MECOM: variants seen among roughly 807,000 people sequenced by gnomAD.
MECOM encodes the protein MDS1 and EVI1 complex locus, also known as histone-lysine N-methyltransferase MECOM.
Under a neutral mutation model 116.3 loss-of-function variants are expected in MECOM, and 13 were observed. The observed-to-expected ratio is 0.11, with a 90% CI of 0.07 to 0.18. The LOEUF (loss-of-function observed/expected upper bound fraction) is 0.18. MECOM is among the 10% of genes least tolerant of loss of function. MECOM has a pLI of 1.00. For synonymous variants in MECOM, 528 were observed against 535.2 expected (o/e 0.99, Z 0.19); for missense variants, 1,299 against 1,509.0 (o/e 0.86, Z 2.31).
At chr3:169,614,275 G>A (rs1769700087) in intron 1 of MECOM, among the ~76,000 whole-genome samples, 1 of 151,398 alleles carries the variant, frequency 6.6e-6, no homozygotes, top group South Asian at 2.1e-4. Flanking sequence ...CACTGAGGAT[G>A]CCTGTCCAAA....
At chr3:169,477,138 TATATATATATACAC>T (rs1560327145) in intron 1 of MECOM, 2 of 91,598 alleles carry the variant, frequency 2.2e-5, no homozygotes, top group African/African-American at 5.2e-5. Flanking sequence ...TATATATATA[TATATATATATACAC>T]ACACACACAA....
At chr3:169,277,222 G>C (rs537764903) in intron 2 of MECOM, among the ~76,000 whole-genome samples, 2 of 152,106 alleles carry the variant, frequency 1.3e-5, no homozygotes, top group African/African-American at 4.8e-5. Context: ...ACAGGTGAAG[G>C]GTATTCAAGG....
At chr3:169,204,394 C>T (rs1050191759) in intron 2 of MECOM, among the ~76,000 whole-genome samples, 7 of 152,178 alleles carry the variant, frequency 4.6e-5, no homozygotes, top group African/African-American at 1.7e-4. Flanking sequence ...ATCAGTTACT[C>T]ACAAGCCTGG....
At chr3:169,549,973 G>A (rs1305180010) in intron 1 of MECOM, among the ~76,000 whole-genome samples, 2 of 152,088 alleles carry the variant, frequency 1.3e-5, no homozygotes, top group Admixed American at 6.5e-5. Context: ...CCATTCTGGC[G>A]CAACCTCTAT....
intron 2 of MECOM, among the ~76,000 whole-genome samples, chr3:169,263,714 T>TTA (rs1757918152): frequency 6.6e-6 from 1 of 152,146 alleles, no homozygotes; most frequent in Non-Finnish European, 1.5e-5. Context: ...TAAAGATTGG[T>TTA]TATAATAGCT....
chr3:169,130,368 A>T (rs1326361918), intron 4 of MECOM, among the ~76,000 whole-genome samples: 3 of 151,980 alleles, frequency 2.0e-5, no homozygotes, highest in African/African-American at 7.3e-5. Context: ...TCAGGCTCAA[A>T]CTCTACCAGG....
At position 169,084,579 on chromosome 3, in the gene MECOM, T is replaced by C. The variant is rs1334571248; in HGVS notation, c.*330A>G. On this transcript the variant is annotated 3_prime_UTR_variant, in exon 17 of 17. Transcript: ENST00000651503. ...TCAATGCTGCCATCTCAACTGCCCT[T>C]CTCACCCACCCATACCCTAAGGTGG... The C allele has an allele frequency of 1.8e-5, 5 of 282,350 alleles. No individual in the cohort carries two copies. Among genetic ancestry groups the C allele is most frequent in the African/African-American group, 2.1e-5 (1 of 46,858 alleles). 17.5% of individuals were successfully genotyped at this position (282,350 alleles called of 1,614,324 possible).
intron 8 of MECOM, among the ~76,000 whole-genome samples, chr3:169,114,557 A>T (rs1247088785): frequency 6.6e-6 from 1 of 152,210 alleles, no homozygotes; most frequent in Non-Finnish European, 1.5e-5. Flanking sequence ...TCAATAAAAA[A>T]TTATCCAGAT....
intron 1 of MECOM, among the ~76,000 whole-genome samples, chr3:169,627,570 C>T (rs566017131): frequency 6.6e-6 from 1 of 152,146 alleles, no homozygotes; most frequent in South Asian, 2.1e-4. Context: ...ATTCCTTACA[C>T]AAGGAAAAAA....
chr3:169,120,823 C>A (rs549589894), intron 7 of MECOM: 1 of 355,628 alleles, frequency 2.8e-6, no homozygotes. Flanking sequence ...ATTTTCTTTT[C>A]TCTACCTGTT....
chr3:169,228,718 C>T (rs1753034952), intron 2 of MECOM, among the ~76,000 whole-genome samples: 2 of 152,170 alleles, frequency 1.3e-5, no homozygotes, highest in African/African-American at 2.4e-5. Flanking sequence ...TGAAATACTG[C>T]ATACTTGGTG....
At chr3:169,359,020 C>T (rs1361618174) in intron 2 of MECOM, among the ~76,000 whole-genome samples, 1 of 151,720 alleles carries the variant, frequency 6.6e-6, no homozygotes, top group African/African-American at 2.4e-5. Context: ...ACCAACTCTA[C>T]TAAATCTATT....
intron 1 of MECOM, among the ~76,000 whole-genome samples, chr3:169,488,052 G>C (rs1456351207): frequency 6.6e-6 from 1 of 151,918 alleles, no homozygotes; most frequent in Non-Finnish European, 1.5e-5. Context: ...ACTTCCAAAA[G>C]CATGAAGCAA....
At chr3:169,472,061 T>A (rs1248504833) in intron 1 of MECOM, among the ~76,000 whole-genome samples, 3 of 152,070 alleles carry the variant, frequency 2.0e-5, no homozygotes, top group East Asian at 1.9e-4. Context: ...TAAGAGTGTT[T>A]CTCTCAAAGA....
At chr3:169,121,335 G>A in intron 6 of MECOM, 126 bp from the exon 7 acceptor site, 1 of 986,114 alleles carries the variant, frequency 1.0e-6, no homozygotes, top group Non-Finnish European at 1.4e-6. Flanking sequence ...AAGACCAAAA[G>A]TGTACTCTCC....
chr3:169,448,364 A>G (rs1180291646), intron 1 of MECOM, among the ~76,000 whole-genome samples: 3 of 152,166 alleles, frequency 2.0e-5, no homozygotes, highest in African/African-American at 7.2e-5. Flanking sequence ...AGCATCTTCT[A>G]TACATTATCT....
intron 1 of MECOM, among the ~76,000 whole-genome samples, chr3:169,462,988 G>A (rs939374672): frequency 1.2e-4 from 19 of 152,050 alleles, no homozygotes; most frequent in Admixed American, 5.2e-4. Flanking sequence ...CAGTTCAATA[G>A]GACAAAAAGT....
At chr3:169,135,298 C>T (rs1237492320) in intron 3 of MECOM, among the ~76,000 whole-genome samples, 3 of 151,880 alleles carry the variant, frequency 2.0e-5, no homozygotes, top group Non-Finnish European at 4.4e-5. Flanking sequence ...ATAAAAATAT[C>T]CTGGATCTGA....
At chr3:169,568,478 C>A (rs6808197) in intron 1 of MECOM, among the ~76,000 whole-genome samples, 33,270 of 152,104 alleles carry the variant, frequency 0.22, 4,689 homozygotes, top group East Asian at 0.7. Context: ...GCTTGAAATT[C>A]TCACTGCCAG....
Sources: allele counts gnomAD v4.1 joint callset (sites outside exome capture counted in the v4.1 genomes callset), GRCh38; gene constraint gnomAD v4.1.1; transcripts MANE v1.5; gene names NCBI Gene and HGNC (gene_info 2026-07-23, HGNC 2026-07-21).